FRG1: variants seen among roughly 807,000 people sequenced by gnomAD.
FRG1 encodes the protein protein FRG1.
FRG1 carries 19 observed loss-of-function variants against 37.0 expected under a neutral mutation model. The ratio of observed to expected loss-of-function variants is 0.51; its 90% CI spans 0.36 to 0.75. The LOEUF (loss-of-function observed/expected upper bound fraction) is 0.75, where lower values mean the gene tolerates loss of function less well. FRG1 is among the 30% of genes least tolerant of loss of function. The pLI, the probability that FRG1 is intolerant of heterozygous loss-of-function variation, is 0.00. For synonymous variants in FRG1, 73 were observed against 96.5 expected (o/e 0.76, Z 1.43); for missense variants, 243 against 301.4 (o/e 0.81, Z 1.44).
rs1426530530 is a variant in FRG1, at chr4:189,955,239, A to G, written c.432+88A>G. 3 of 756,760 alleles carry G rather than the reference A, an allele frequency of 4.0e-6. No homozygotes were observed. In the African/African-American group the frequency reaches 5.3e-5, roughly 13 times the overall value. 46.9% of individuals were successfully genotyped at this position (756,760 alleles called of 1,614,324 possible). A position where few individuals can be genotyped will look rare whatever the true frequency, so the allele number is the denominator to read the frequency against. On this transcript the variant is annotated intron_variant, in intron 5 of 8. Transcript: ENST00000226798. ...AATCATAATATATTTAAAAAGAAAA[A>G]GTAGGATGCAATAGTGTAATACATT...
intron 2 of FRG1, among the ~76,000 whole-genome samples, chr4:189,943,840 T>G (rs1736417664): frequency 6.6e-6 from 1 of 152,256 alleles, no homozygotes; most frequent in Non-Finnish European, 1.5e-5. Context: ...ATTTTGAATC[T>G]TCATAAATTA....
chr4:189,944,367 AG>A (rs1189912888), intron 2 of FRG1, among the ~76,000 whole-genome samples: 1 of 152,066 alleles, frequency 6.6e-6, no homozygotes, highest in Non-Finnish European at 1.5e-5. Flanking sequence ...TAGTAGCAAC[AG>A]GGTTTCACCA....
intron 6 of FRG1, among the ~76,000 whole-genome samples, chr4:189,959,395 C>T (rs142434253): frequency 1.3e-5 from 2 of 152,030 alleles, no homozygotes; most frequent in African/African-American, 4.8e-5. Flanking sequence ...CTTACATCCT[C>T]GTGGTTTTTG....
intron 2 of FRG1, among the ~76,000 whole-genome samples, chr4:189,948,062 C>A (rs1173219991): frequency 6.6e-6 from 1 of 152,184 alleles, no homozygotes; most frequent in African/African-American, 2.4e-5. Context: ...AGGGCAAGTC[C>A]ATCTTGGCTG....
In FRG1 at chr4:189,940,918, C is replaced by A. The variant is rs1040187429; in HGVS notation, c.-92C>A. 15 of 962,068 alleles carry A rather than the reference C, an allele frequency of 1.6e-5. No homozygotes were observed. The highest frequency in any genetic ancestry group is 2.1e-5 in the Non-Finnish European group (13 of 618,268). The allele number at this position is 962,068 out of a possible 1,614,324, so 59.6% of individuals were successfully genotyped here. ...TGTCAGGGAGTGTTTATTTCGCGTC[C>A]GCTTCTGTTTCTCCGCGCCCCTGTG... On this transcript the variant is annotated 5_prime_UTR_variant, in exon 1 of 9. Coordinates refer to ENST00000226798, the MANE Select transcript of FRG1 (RefSeq NM_004477.3).
chr4:189,946,289 C>G (rs1736524825), intron 2 of FRG1, among the ~76,000 whole-genome samples: 1 of 134,884 alleles, frequency 7.4e-6, no homozygotes, highest in African/African-American at 2.8e-5. Context: ...ACATAAAATA[C>G]ACTAACGATA....
intron 5 of FRG1, 124 bp downstream of exon 5, chr4:189,955,275 AAATC>A: frequency 1.6e-6 from 1 of 610,716 alleles, no homozygotes; most frequent in Non-Finnish European, 2.9e-6. Flanking sequence ...AAATAGGAAT[AAATC>A]AATAAGAACA....
intron 8 of FRG1, 111 bp from the exon 9 acceptor site, chr4:189,962,982 G>A: frequency 1.7e-6 from 1 of 575,578 alleles, no homozygotes; most frequent in Non-Finnish European, 3.0e-6. Flanking sequence ...AAAGTGTTGT[G>A]GTAATAACCA....
chr4:189,946,073 G>A (rs544699091), intron 2 of FRG1, among the ~76,000 whole-genome samples: 2 of 152,062 alleles, frequency 1.3e-5, no homozygotes, highest in African/African-American at 4.8e-5. Flanking sequence ...TTTAATGTCC[G>A]TAGAATCTCA....
At chr4:189,952,889 G>A (rs565464536) in intron 3 of FRG1, among the ~76,000 whole-genome samples, 179 bp from the exon 4 acceptor site, 1 of 152,142 alleles carries the variant, frequency 6.6e-6, no homozygotes, top group African/African-American at 2.4e-5. Flanking sequence ...TAACACTGTA[G>A]TTAAAAGAAG....
chr4:189,944,928 G>A (rs1561063512), intron 2 of FRG1, among the ~76,000 whole-genome samples: 1 of 152,072 alleles, frequency 6.6e-6, no homozygotes, highest in African/African-American at 2.4e-5. Flanking sequence ...CAGATCATTT[G>A]GGGGAGATCA....
At chr4:189,958,940 G>C (rs1737107431) in intron 6 of FRG1, among the ~76,000 whole-genome samples, 1 of 152,130 alleles carries the variant, frequency 6.6e-6, no homozygotes, top group Non-Finnish European at 1.5e-5. Flanking sequence ...GTCTCTGTTG[G>C]GAATCACAGG....
chr4:189,941,273 C>G (rs1291110873), intron 1 of FRG1, among the ~76,000 whole-genome samples: 4 of 152,128 alleles, frequency 2.6e-5, no homozygotes, highest in Non-Finnish European at 5.9e-5. Context: ...CGCGGACGAC[C>G]CTGGAAACAG....
At chr4:189,950,696 C>G (rs1245247490) in intron 2 of FRG1, among the ~76,000 whole-genome samples, 4 of 152,170 alleles carry the variant, frequency 2.6e-5, no homozygotes, top group African/African-American at 9.7e-5. Flanking sequence ...AATATCCAAA[C>G]TATTCCATAC....
chr4:189,943,693 A>G (rs986577090), intron 2 of FRG1, among the ~76,000 whole-genome samples: 22 of 152,250 alleles, frequency 1.4e-4, no homozygotes, highest in Non-Finnish European at 2.6e-4. Context: ...GAAATGAATG[A>G]AAATTTTAAA....
At position 189,963,154 on chromosome 4, in the gene FRG1, C is replaced by G; in HGVS notation, c.*25C>G. On this transcript the variant is annotated 3_prime_UTR_variant, in exon 9 of 9. Coordinates refer to ENST00000226798, the MANE Select transcript of FRG1 (RefSeq NM_004477.3). ...ACTGGGATTTTTGTTTCTGCCTTAT[C>G]TTTCTGTGTTTTTTTCTGAATAAAA... The G allele has an allele frequency of 6.2e-7, 1 of 1,602,938 alleles. No individual in the cohort carries two copies. The highest frequency in any genetic ancestry group is 8.5e-7 in the Non-Finnish European group (1 of 1,171,336).
intron 2 of FRG1, 60 bp from the exon 3 acceptor site, chr4:189,952,102 A>G (rs1736778920): frequency 8.5e-6 from 11 of 1,294,622 alleles, no homozygotes; most frequent in South Asian, 4.3e-5. Flanking sequence ...ATAATAACAA[A>G]AAAAAGAACT....
intron 2 of FRG1, among the ~76,000 whole-genome samples, chr4:189,949,168 T>G (rs2126805886): frequency 6.6e-6 from 1 of 152,328 alleles, no homozygotes; most frequent in African/African-American, 2.4e-5. Flanking sequence ...CTGCACCATA[T>G]ACACAGCTTG....
intron 2 of FRG1, among the ~76,000 whole-genome samples, chr4:189,947,753 C>G (rs1243855342): frequency 2.0e-5 from 3 of 152,228 alleles, no homozygotes; most frequent in Non-Finnish European, 2.9e-5. Flanking sequence ...TCTTTTGAGG[C>G]CTCACCTGTA....
Sources: gnomAD v4.1 joint callset for allele counts (sites outside exome capture counted in the v4.1 genomes callset) on GRCh38, gnomAD v4.1.1 for gene constraint, MANE v1.5 for transcripts, NCBI Gene and HGNC (gene_info 2026-07-23, HGNC 2026-07-21) for gene names.